Variants in UNC79 observed in about 807,000 individuals in gnomAD.
The protein encoded by UNC79 is unc-79 subunit of NALCN channel complex, also known as protein unc-79 homolog.
Under a neutral mutation model 283.1 loss-of-function variants are expected in UNC79, and 37 were observed. That is an observed-to-expected ratio of 0.13 (90% CI 0.10 to 0.17). UNC79 has a LOEUF of 0.17. Among genes scored for constraint, UNC79 ranks in the 10% least tolerant of loss-of-function variants. UNC79 has a pLI of 1.00. For missense variants in UNC79, 2,272 were observed against 3,211.1 expected (o/e 0.71, Z 7.07); for synonymous variants, 1,107 against 1,200.2 (o/e 0.92, Z 1.61).
chr14:93,614,335 A>ATTTATTTATTTT (rs57552013), intron 27 of UNC79, among the ~76,000 whole-genome samples: 4 of 133,282 alleles, frequency 3.0e-5, no homozygotes, highest in African/African-American at 1.4e-4. Context: ...TTATTTATTT[A>ATTTATTTATTTT]GAGACGGAGT....
chr14:93,580,245 G>T, exon 19 of UNC79: 1 of 1,614,142 alleles, frequency 6.2e-7, no homozygotes, highest in Non-Finnish European at 8.5e-7. Context: ...AGCCCCCTGG[G>T]GGGGATCCCA....
intron 1 of UNC79, among the ~76,000 whole-genome samples, chr14:93,394,555 C>A (rs2054953876): frequency 6.6e-6 from 1 of 151,526 alleles, no homozygotes; most frequent in Non-Finnish European, 1.5e-5. Context: ...GGATTACAGG[C>A]ACCCGCCACT....
At position 93,655,660 on chromosome 14, in the gene UNC79, AAC is replaced by A. The variant is rs1159446832; in HGVS notation, c.6456+255_6456+256del. Among the ~76,000 whole-genome samples the A allele has an allele frequency of 1.5e-3, 230 of 151,830 alleles. 3 individuals carry two copies. The highest frequency in any genetic ancestry group is 5.3e-3 in the African/African-American group (219 of 41,354). ...AGTTGATTTGAAAAAAAAAAAAAAA[AAC>A]AAAAAAACAGCCAGGAAGACATGAG... On this transcript the variant is annotated intron_variant, in intron 38 of 48. Transcript: ENST00000555664.
At chr14:93,482,535 A>T (rs1024089862) in intron 4 of UNC79, among the ~76,000 whole-genome samples, 23 of 152,196 alleles carry the variant, frequency 1.5e-4, no homozygotes, top group African/African-American at 5.3e-4. Context: ...AGGCCCGCGT[A>T]GAGGTGAGAC....
intron 32 of UNC79, among the ~76,000 whole-genome samples, chr14:93,639,533 T>C (rs2068827391): frequency 6.6e-6 from 1 of 152,252 alleles, no homozygotes; most frequent in African/African-American, 2.4e-5. Context: ...AAGATCTTTG[T>C]GAATTATACA....
At chr14:93,604,150 A>G (rs1342514371) in intron 26 of UNC79, among the ~76,000 whole-genome samples, 2 of 152,174 alleles carry the variant, frequency 1.3e-5, no homozygotes, top group Non-Finnish European at 1.5e-5. Context: ...CTAAATCACC[A>G]TACTAATGAA....
chr14:93,663,306 G>A (rs2071800527), intron 40 of UNC79, among the ~76,000 whole-genome samples: 1 of 152,212 alleles, frequency 6.6e-6, no homozygotes, highest in Admixed American at 6.5e-5. Flanking sequence ...TGCTGGCCCA[G>A]TGGCAGTAGC....
At chr14:93,654,333 T>G (rs1450098257) in intron 37 of UNC79, among the ~76,000 whole-genome samples, 1 of 151,528 alleles carries the variant, frequency 6.6e-6, no homozygotes, top group Non-Finnish European at 1.5e-5. Flanking sequence ...CTCTACAAAA[T>G]AAAAATAAAA....
At chr14:93,425,880 A>G (rs2055715265), upstream of UNC79, among the ~76,000 whole-genome samples, 1 of 152,182 alleles carries the variant, frequency 6.6e-6, no homozygotes, top group Non-Finnish European at 1.5e-5. Context: ...AAAACTCTTC[A>G]GTAAAAGACT....
intron 3 of UNC79, among the ~76,000 whole-genome samples, chr14:93,476,831 G>T (rs1162819523): frequency 6.6e-6 from 1 of 152,052 alleles, no homozygotes; most frequent in African/African-American, 2.4e-5. Context: ...TCTTGTGCAG[G>T]TAATAATAAT....
At chr14:93,508,589 G>A (rs903000781) in intron 7 of UNC79, among the ~76,000 whole-genome samples, 10 of 151,972 alleles carry the variant, frequency 6.6e-5, no homozygotes, top group African/African-American at 2.4e-4. Context: ...CACTGTAGAA[G>A]TCTTACATTT....
intron 39 of UNC79, among the ~76,000 whole-genome samples, 177 bp from the exon 43 acceptor site, chr14:93,662,427 C>A (rs2071695743): frequency 6.6e-6 from 1 of 152,122 alleles, no homozygotes. Flanking sequence ...GAGCCCTTGA[C>A]TGAAGGTGCA....
At chr14:93,578,834 G>A (rs953711823) in intron 18 of UNC79, among the ~76,000 whole-genome samples, 1 of 152,146 alleles carries the variant, frequency 6.6e-6, no homozygotes, top group African/African-American at 2.4e-5. Context: ...CATCTTTATA[G>A]CAAGAGAAAA....
At chr14:93,347,277 C>T in intron 1 of UNC79, 1 of 1,604,558 alleles carries the variant, frequency 6.2e-7, no homozygotes, top group Non-Finnish European at 8.5e-7. Flanking sequence ...ATATGCCTCT[C>T]CTGCGTGGGC....
intron 14 of UNC79, among the ~76,000 whole-genome samples, chr14:93,549,214 G>T (rs1275815738): frequency 6.6e-6 from 1 of 152,172 alleles, no homozygotes; most frequent in African/African-American, 2.4e-5. Flanking sequence ...TTACCAAAAA[G>T]ATTCTGAAAA....
At chr14:93,529,103 T>C (rs889093808) in intron 9 of UNC79, among the ~76,000 whole-genome samples, 183 bp from the exon 10 acceptor site, 1 of 152,230 alleles carries the variant, frequency 6.6e-6, no homozygotes, top group African/African-American at 2.4e-5. Context: ...TATGATGAAG[T>C]GCCTATAATT....
intron 41 of UNC79, 62 bp downstream of exon 44, chr14:93,673,517 G>A (rs1451026229): frequency 1.5e-5 from 21 of 1,421,328 alleles, no homozygotes; most frequent in Admixed American, 8.8e-5. Flanking sequence ...GGAAAATTAA[G>A]GGAGGTGTAG....
At chr14:93,538,004 G>A (rs1368128912) in exon 12 of UNC79, 4 of 1,612,902 alleles carry the variant, frequency 2.5e-6, no homozygotes, top group Middle Eastern at 1.6e-4. Flanking sequence ...CAGTTCCCAC[G>A]TTAGAAGAGC....
intron 1 of UNC79, among the ~76,000 whole-genome samples, chr14:93,377,007 T>C (rs1052574438): frequency 6.7e-6 from 1 of 149,986 alleles, no homozygotes; most frequent in Admixed American, 6.6e-5. Context: ...AGTGAAGGAG[T>C]AGACAGACTT....
Sources: allele counts gnomAD v4.1 joint callset (sites outside exome capture counted in the v4.1 genomes callset), GRCh38; gene constraint gnomAD v4.1.1; transcripts MANE v1.5; gene names NCBI Gene and HGNC (gene_info 2026-07-23, HGNC 2026-07-21).